SLC39A11: variants seen among roughly 807,000 people sequenced by gnomAD.
SLC39A11 encodes the protein zinc transporter ZIP11.
SLC39A11 carries 33 observed loss-of-function variants against 36.1 expected under a neutral mutation model. That is an observed-to-expected ratio of 0.91 (90% CI 0.69 to 1.22). The LOEUF (loss-of-function observed/expected upper bound fraction) is 1.22. SLC39A11 is among the 50% of genes most tolerant of loss of function. The probability of loss-of-function intolerance (pLI) is 0.00; values close to 1 mark genes in which losing one functional copy is unlikely to be tolerated. For missense variants in SLC39A11, 432 were observed against 430.3 expected (o/e 1.00, Z -0.03); for synonymous variants, 166 against 170.3 (o/e 0.97, Z 0.20).
chr17:72,652,960 C>G (rs1158346041), intron 7 of SLC39A11, among the ~76,000 whole-genome samples: 1 of 152,130 alleles, frequency 6.6e-6, no homozygotes, highest in Non-Finnish European at 1.5e-5. Flanking sequence ...AGAATTCCTT[C>G]TATCACCTCC....
intron 3 of SLC39A11, 107 bp from the exon 4 acceptor site, chr17:73,031,821 T>G: frequency 8.8e-7 from 1 of 1,141,894 alleles, no homozygotes. Context: ...CAATTTCACA[T>G]GAGTTCAGTC....
At chr17:72,864,740 C>T (rs2080217263) in intron 5 of SLC39A11, among the ~76,000 whole-genome samples, 1 of 152,178 alleles carries the variant, frequency 6.6e-6, no homozygotes, top group African/African-American at 2.4e-5. Context: ...CAACAGAAGT[C>T]CTAACCCGCT....
At chr17:73,011,661 T>A (rs1372438291) in intron 4 of SLC39A11, among the ~76,000 whole-genome samples, 1 of 94,472 alleles carries the variant, frequency 1.1e-5, no homozygotes, top group African/African-American at 2.7e-5. Flanking sequence ...TTTCTGGTTT[T>A]CTTGGTTTTT....
At chr17:72,929,411 G>C (rs929902031) in intron 5 of SLC39A11, among the ~76,000 whole-genome samples, 2 of 152,044 alleles carry the variant, frequency 1.3e-5, no homozygotes, top group African/African-American at 2.4e-5. Context: ...TCGGGTGCTC[G>C]GGTAGTCTCC....
intron 7 of SLC39A11, among the ~76,000 whole-genome samples, chr17:72,707,678 C>T (rs556266274): frequency 9.9e-5 from 15 of 152,196 alleles, no homozygotes; most frequent in South Asian, 2.1e-4. Context: ...CTCTGGCACC[C>T]CTACATCCAC....
chr17:72,657,435 G>A (rs1370344096), intron 7 of SLC39A11, among the ~76,000 whole-genome samples: 1 of 152,186 alleles, frequency 6.6e-6, no homozygotes, highest in African/African-American at 2.4e-5. Context: ...AGATGGAAGA[G>A]AGAATGGCAA....
At chr17:72,887,518 A>G (rs1481405041) in intron 5 of SLC39A11, among the ~76,000 whole-genome samples, 1 of 152,244 alleles carries the variant, frequency 6.6e-6, no homozygotes, top group Non-Finnish European at 1.5e-5. Context: ...TCAGAATGCA[A>G]CACTGCACAG....
intron 6 of SLC39A11, among the ~76,000 whole-genome samples, chr17:72,753,545 T>C (rs2144372533): frequency 6.6e-6 from 1 of 152,310 alleles, no homozygotes; most frequent in South Asian, 2.1e-4. Context: ...AATCTCCAGC[T>C]GAACATACTG....
At chr17:72,816,305 T>G (rs1366838927) in intron 6 of SLC39A11, among the ~76,000 whole-genome samples, 2 of 152,188 alleles carry the variant, frequency 1.3e-5, no homozygotes, top group African/African-American at 4.8e-5. Flanking sequence ...CTTTGATCAT[T>G]GGTGAATCAG....
At chr17:73,003,901 C>T (rs1223429608) in intron 4 of SLC39A11, among the ~76,000 whole-genome samples, 1 of 152,014 alleles carries the variant, frequency 6.6e-6, no homozygotes, top group Non-Finnish European at 1.5e-5. Flanking sequence ...GCCTGGCCAA[C>T]ATGGTGAAAC....
At chr17:73,015,143 C>T (rs1465758289) in intron 4 of SLC39A11, among the ~76,000 whole-genome samples, 1 of 152,204 alleles carries the variant, frequency 6.6e-6, no homozygotes, top group Non-Finnish European at 1.5e-5. Flanking sequence ...AAGTCTGAAA[C>T]CTCGGTATTG....
chr17:73,044,775 G>A (rs543905256), intron 3 of SLC39A11, among the ~76,000 whole-genome samples: 2 of 152,062 alleles, frequency 1.3e-5, no homozygotes, highest in East Asian at 3.9e-4. Context: ...TCAGGAGGAG[G>A]CTGAGGCAGG....
At chr17:72,894,534 G>C (rs981174454) in intron 5 of SLC39A11, among the ~76,000 whole-genome samples, 1 of 150,234 alleles carries the variant, frequency 6.7e-6, no homozygotes, top group East Asian at 1.9e-4. Flanking sequence ...GCCGGGTGTG[G>C]TGGCACGCAC....
intron 7 of SLC39A11, among the ~76,000 whole-genome samples, chr17:72,670,115 T>C (rs1464050767): frequency 6.6e-6 from 1 of 151,162 alleles, no homozygotes; most frequent in African/African-American, 2.4e-5. Flanking sequence ...TGTACATATA[T>C]AGTTTGTTTT....
intron 6 of SLC39A11, among the ~76,000 whole-genome samples, chr17:72,751,280 G>A (rs1288247412): frequency 6.6e-6 from 1 of 152,102 alleles, no homozygotes; most frequent in African/African-American, 2.4e-5. Flanking sequence ...ATATTGGTGT[G>A]CTAACATATG....
rs921098972 is a variant in SLC39A11, at chr17:72,794,440, TG to T, written c.601+55193del. ...ATTGAGTGAGAAAATCTGATAATAT[TG>T]TTCCCCTGACTGAAGCCTTCGTTTC... On this transcript the variant is annotated intron_variant, in intron 6 of 9. Transcript: ENST00000255559. Among the ~76,000 whole-genome samples the T allele has an allele frequency of 7.3e-4, 111 of 152,172 alleles. 2 individuals carry two copies. Among genetic ancestry groups the T allele is most frequent in the African/African-American group, 2.1e-3 (88 of 41,456 alleles).
intron 4 of SLC39A11, among the ~76,000 whole-genome samples, chr17:72,967,167 T>C (rs543842746): frequency 6.6e-6 from 1 of 152,194 alleles, no homozygotes; most frequent in African/African-American, 2.4e-5. Context: ...AATGTAACAA[T>C]AATAGAAATA....
At chr17:72,772,200 AG>A (rs138723025) in intron 6 of SLC39A11, among the ~76,000 whole-genome samples, 6,303 of 152,204 alleles carry the variant, frequency 0.041, 298 homozygotes, top group East Asian at 0.15. Context: ...CACCCCAGGA[AG>A]GGCAGTCTTT....
At chr17:72,653,424 T>C (rs2069953583) in intron 7 of SLC39A11, among the ~76,000 whole-genome samples, 1 of 128,178 alleles carries the variant, frequency 7.8e-6, no homozygotes, top group Non-Finnish European at 1.6e-5. Context: ...GTTTTGGTTT[T>C]TCTTTTCTTT....
Sources: allele counts gnomAD v4.1 joint callset (sites outside exome capture counted in the v4.1 genomes callset), GRCh38; gene constraint gnomAD v4.1.1; transcripts MANE v1.5; gene names NCBI Gene and HGNC (gene_info 2026-07-23, HGNC 2026-07-21).